Variants in CMIP observed in about 807,000 individuals in gnomAD.
CMIP encodes the protein C-Maf-inducing protein.
CMIP carries 13 observed loss-of-function variants against 97.3 expected under a neutral mutation model. That is an observed-to-expected ratio of 0.13 (90% CI 0.09 to 0.21). The LOEUF (loss-of-function observed/expected upper bound fraction) is 0.21, where lower values mean the gene tolerates loss of function less well. Ranked by LOEUF, CMIP falls within the 10% of genes least tolerant of loss-of-function variation. The probability of loss-of-function intolerance (pLI) is 1.00; values close to 1 mark genes in which losing one functional copy is unlikely to be tolerated. For missense variants in CMIP, 847 were observed against 1,024.9 expected (o/e 0.83, Z 2.37); for synonymous variants, 538 against 436.3 (o/e 1.23, Z -2.91).
intron 3 of CMIP, among the ~76,000 whole-genome samples, chr16:81,647,749 G>A (rs1344130385): frequency 6.6e-6 from 1 of 152,102 alleles, no homozygotes; most frequent in Non-Finnish European, 1.5e-5. Context: ...CAGAGTTCCT[G>A]GGATGAGGCA....
chr16:81,657,889 G>A, intron 5 of CMIP, 73 bp downstream of exon 5: 1 of 1,304,662 alleles, frequency 7.7e-7, no homozygotes, highest in Non-Finnish European at 1.1e-6. Context: ...TCCTGGTTTG[G>A]GGTAATTCTG....
chr16:81,554,931 T>G (rs1435563951), intron 1 of CMIP, among the ~76,000 whole-genome samples: 1 of 152,192 alleles, frequency 6.6e-6, no homozygotes, highest in Non-Finnish European at 1.5e-5. Context: ...GCAGGTGTCA[T>G]TGGGCTGGAA....
chr16:81,512,820 T>C (rs2089838922), intron 1 of CMIP, among the ~76,000 whole-genome samples: 1 of 152,184 alleles, frequency 6.6e-6, no homozygotes, highest in Non-Finnish European at 1.5e-5. Flanking sequence ...CACTGCAACC[T>C]CTGCTTCCTG....
intron 2 of CMIP, among the ~76,000 whole-genome samples, chr16:81,609,376 C>A (rs544709598): frequency 6.6e-6 from 1 of 152,200 alleles, no homozygotes; most frequent in Non-Finnish European, 1.5e-5. Context: ...CAGCCCCCCT[C>A]GGCGGGGGAG....
At chr16:81,557,635 C>T (rs1300567012) in intron 1 of CMIP, among the ~76,000 whole-genome samples, 6 of 152,088 alleles carry the variant, frequency 3.9e-5, no homozygotes, top group African/African-American at 1.2e-4. Flanking sequence ...ATTAGCCAGG[C>T]ATGGTGGTGC....
At chr16:81,690,118 G>A (rs942448528) in intron 10 of CMIP, among the ~76,000 whole-genome samples, 6 of 152,150 alleles carry the variant, frequency 3.9e-5, no homozygotes, top group African/African-American at 1.2e-4. Context: ...TTTTGGCTTA[G>A]GATTGTCTTG....
chr16:81,703,797 C>A, intron 17 of CMIP, 142 bp from the exon 18 acceptor site: 1 of 1,161,244 alleles, frequency 8.6e-7, no homozygotes, highest in Non-Finnish European at 1.2e-6. Flanking sequence ...GCTGTGCCCC[C>A]ATCTCAGCTC....
chr16:81,575,797 T>G (rs2091178744), intron 1 of CMIP, among the ~76,000 whole-genome samples: 1 of 152,158 alleles, frequency 6.6e-6, no homozygotes, highest in African/African-American at 2.4e-5. Flanking sequence ...AGTCTGATGA[T>G]GTGTGTGAGT....
intron 1 of CMIP, among the ~76,000 whole-genome samples, chr16:81,555,734 C>G (rs996529831): frequency 8.5e-5 from 13 of 152,184 alleles, no homozygotes; most frequent in African/African-American, 3.1e-4. Context: ...AGAAACGTCC[C>G]CACCTAAGCC....
At chr16:81,592,726 C>T (rs1334019449) in intron 1 of CMIP, among the ~76,000 whole-genome samples, 2 of 152,252 alleles carry the variant, frequency 1.3e-5, no homozygotes, top group African/African-American at 4.8e-5. Context: ...ACCTCCTTTT[C>T]TCCTCCATGG....
chr16:81,503,085 A>T (rs2089642279), intron 1 of CMIP, among the ~76,000 whole-genome samples: 1 of 152,212 alleles, frequency 6.6e-6, no homozygotes, highest in Non-Finnish European at 1.5e-5. Context: ...AGTTCAGCAC[A>T]ACCTAAATAT....
intron 1 of CMIP, among the ~76,000 whole-genome samples, chr16:81,547,599 G>C (rs2090571627): frequency 6.6e-6 from 1 of 151,022 alleles, no homozygotes. Context: ...TGCAGGTGGA[G>C]GGTGGGAAGC....
intron 8 of CMIP, among the ~76,000 whole-genome samples, chr16:81,671,081 G>A (rs893123861): frequency 9.9e-5 from 15 of 152,018 alleles, no homozygotes; most frequent in African/African-American, 2.9e-4. Context: ...CACCTGCTTC[G>A]GCCTCCCAAA....
At chr16:81,610,283 G>A in intron 2 of CMIP, 2 of 984,660 alleles carry the variant, frequency 2.0e-6, no homozygotes, top group South Asian at 9.4e-5. Flanking sequence ...GTGTCTGGCA[G>A]GGCTTCAGGA....
At chr16:81,594,566 T>A (rs1477489684) in intron 1 of CMIP, among the ~76,000 whole-genome samples, 1 of 152,148 alleles carries the variant, frequency 6.6e-6, no homozygotes, top group African/African-American at 2.4e-5. Context: ...AAATCCTATA[T>A]ACACTGTGTT....
intron 1 of CMIP, among the ~76,000 whole-genome samples, chr16:81,552,855 G>A (rs2090686462): frequency 6.6e-6 from 1 of 152,150 alleles, no homozygotes; most frequent in Non-Finnish European, 1.5e-5. Context: ...CTTCATTGCT[G>A]TGGCTGGGGA....
At chr16:81,497,645 G>A (rs1321565455) in intron 1 of CMIP, among the ~76,000 whole-genome samples, 1 of 152,200 alleles carries the variant, frequency 6.6e-6, no homozygotes, top group African/African-American at 2.4e-5. Flanking sequence ...GTCTGGGCCT[G>A]GGCAGCCGAG....
At chr16:81,664,242 A>C (rs1227605664) in intron 6 of CMIP, 27 bp from the exon 7 acceptor site, 6 of 1,573,196 alleles carry the variant, frequency 3.8e-6, no homozygotes, top group Admixed American at 1.8e-5. Context: ...TTAGGGCCGC[A>C]GTAACTGTAC....
At chr16:81,694,330 C>T (rs1419890157) in intron 13 of CMIP, among the ~76,000 whole-genome samples, 8 of 152,236 alleles carry the variant, frequency 5.3e-5, no homozygotes, top group East Asian at 3.9e-4. Context: ...CTCGTGCTCC[C>T]GGCAGAACAG....
Sources: allele counts gnomAD v4.1 joint callset (sites outside exome capture counted in the v4.1 genomes callset), GRCh38; gene constraint gnomAD v4.1.1; transcripts MANE v1.5; gene names NCBI Gene and HGNC (gene_info 2026-07-23, HGNC 2026-07-21).